PYGO1: variants seen among roughly 807,000 people sequenced by gnomAD.
PYGO1 encodes the protein pygopus homolog 1.
In PYGO1, 6 loss-of-function variants were observed where a neutral mutation model predicts 29.5. That is an observed-to-expected ratio of 0.20 (90% CI 0.11 to 0.40). The LOEUF is 0.40. PYGO1 is among the 10% of genes least tolerant of loss of function. PYGO1 has a pLI of 1.00. For synonymous variants in PYGO1, 186 were observed against 180.5 expected, an observed-to-expected ratio of 1.03 and a Z score of -0.24; for missense variants, 515 against 514.9, an observed-to-expected ratio of 1.00 and a Z score of 0.00.
At chr15:55,582,066 G>C (rs1184506759) in intron 1 of PYGO1, among the ~76,000 whole-genome samples, 1 of 152,014 alleles carries the variant, frequency 6.6e-6, no homozygotes, top group African/African-American at 2.4e-5. Flanking sequence ...AATTAGCCGG[G>C]CGTGGTGGCA....
chr15:55,584,845 C>T (rs1163764797), intron 1 of PYGO1, among the ~76,000 whole-genome samples: 1 of 152,170 alleles, frequency 6.6e-6, no homozygotes, highest in African/African-American at 2.4e-5. Flanking sequence ...AATATAAGGA[C>T]AGTTTGGAAG....
At position 55,562,007 on chromosome 15, in the gene PYGO1, C is replaced by A. The variant is rs530853743; in HGVS notation, c.50-13012G>T. Among the ~76,000 whole-genome samples the A allele has an allele frequency of 1.5e-4, 23 of 152,162 alleles. No individual in the cohort carries two copies. In the East Asian group the frequency reaches 4.4e-3, roughly 29 times the overall value. Reference sequence around the variant, plus strand: ...CTTAAATTTACAAGAAACAACCAACCAACCCCATTAAAAAGTGGGCAAAGG... The same window carrying A: ...CTTAAATTTACAAGAAACAACCAACAAACCCCATTAAAAAGTGGGCAAAGG... On this transcript the variant is annotated intron_variant, in intron 1 of 2. Coordinates refer to ENST00000563719, the MANE Select transcript of PYGO1 (RefSeq NM_001367806.1).
intron 1 of PYGO1, among the ~76,000 whole-genome samples, chr15:55,560,291 C>G (rs2058927535): frequency 6.6e-6 from 1 of 152,168 alleles, no homozygotes; most frequent in Non-Finnish European, 1.5e-5. Context: ...CCCATCGTCT[C>G]AGCTCAAAAG....
chr15:55,573,968 G>A (rs117974072), intron 1 of PYGO1, among the ~76,000 whole-genome samples: 117 of 152,136 alleles, frequency 7.7e-4, no homozygotes, highest in Non-Finnish European at 1.3e-3. Flanking sequence ...CTGAAATGGC[G>A]GGCAACCAAG....
intron 1 of PYGO1, among the ~76,000 whole-genome samples, chr15:55,569,474 T>C (rs2058971613): frequency 2.6e-5 from 4 of 152,172 alleles, no homozygotes; most frequent in Admixed American, 2.0e-4. Flanking sequence ...TATTTTGGTA[T>C]GTTGTGCCTC....
intron 1 of PYGO1, among the ~76,000 whole-genome samples, chr15:55,576,903 T>C (rs2059005221): frequency 6.6e-6 from 1 of 151,882 alleles, no homozygotes; most frequent in Non-Finnish European, 1.5e-5. Flanking sequence ...AAATAAACCT[T>C]AGAACCCCAA....
rs1189102690 is a variant in PYGO1 at position 55,588,166 on chromosome 15, A to G, written c.-283T>C. The G allele has an allele frequency of 4.1e-6, 2 of 493,618 alleles. No individual in the cohort carries two copies. The highest frequency in any genetic ancestry group is 5.2e-6 in the Non-Finnish European group (2 of 382,878). The allele number at this position is 493,618 out of a possible 1,614,324, so 30.6% of individuals were successfully genotyped here. Reference sequence around the variant, plus strand: ...GGGCGGCCCCCCACCCGGGGCCGGCATGTGCTGAGGGCGAGTGCGCCGCCG... The same window carrying G: ...GGGCGGCCCCCCACCCGGGGCCGGCGTGTGCTGAGGGCGAGTGCGCCGCCG... On this transcript the variant is annotated 5_prime_UTR_variant, in exon 1 of 3. An upstream start codon of the reference 5' UTR is lost. Transcript: ENST00000563719.
At chr15:55,555,582 G>C (rs1328308433) in intron 1 of PYGO1, among the ~76,000 whole-genome samples, 1 of 149,690 alleles carries the variant, frequency 6.7e-6, no homozygotes, top group Non-Finnish European at 1.5e-5. Context: ...TAAATGACGA[G>C]TTAATGGGTG....
rs1198490960 is a variant in PYGO1, at chr15:55,539,292, G to A, written c.*6731C>T. The A allele has an allele frequency of 6.6e-6, 1 of 152,106 alleles. No individual in the cohort carries two copies. Among genetic ancestry groups the A allele is most frequent in the African/African-American group, 2.4e-5 (1 of 41,448 alleles). The allele number at this position is 152,106 out of a possible 1,614,324, so 9.4% of individuals were successfully genotyped here. A position where few individuals can be genotyped will look rare whatever the true frequency, so the allele number is the denominator to read the frequency against. On this transcript the variant is annotated 3_prime_UTR_variant, in exon 3 of 3. Coordinates refer to ENST00000563719, the MANE Select transcript of PYGO1 (RefSeq NM_001367806.1). ...GGAGAATTGGCTTACCATTATTTAA[G>A]TAGTTACTATGAAGTAATTCAGAAT... is the stretch of plus-strand genomic sequence containing the variant.
Position 55,546,281 on chromosome 15 carries a change from A to G in PYGO1, c.1002T>C (p.His334=). 1 of 1,614,210 alleles carries G rather than the reference A, an allele frequency of 6.2e-7. No individual in the cohort carries two copies. The highest frequency in any genetic ancestry group is 2.2e-5 in the East Asian group (1 of 44,886). The change falls in exon 3 of 3, where the codon CAT becomes CAC. Residue 334 remains histidine, a synonymous_variant. Coordinates refer to ENST00000563719, the MANE Select transcript of PYGO1 (RefSeq NM_001367806.1). ...AAGGATACACTGGGTCAGAAGACGA[A>G]TGGCCATGACGGTTTGGGTGAAGAG... is the stretch of plus-strand genomic sequence containing the variant. ...KSSLHPNRHG[H]SSSDPVYPCG...
At chr15:55,576,231 C>T (rs1421373660) in intron 1 of PYGO1, among the ~76,000 whole-genome samples, 2 of 150,052 alleles carry the variant, frequency 1.3e-5, no homozygotes, top group Non-Finnish European at 3.0e-5. Flanking sequence ...CCGAGGCGGG[C>T]GGATCACGAG....
rs556620274 is a variant in PYGO1, at chr15:55,558,871, C to T, written c.50-9876G>A. Among the ~76,000 whole-genome samples, 21 of 151,902 alleles carry T rather than the reference C, an allele frequency of 1.4e-4. 1 individual carries two copies. The South Asian group carries it at 4.2e-3, about 30-fold the overall frequency. ...AAGACTTAAATATTAGACCTAAAAC[C>T]ATAAAATCCCTAGAAGAAAACCTAG... On this transcript the variant is annotated intron_variant, in intron 1 of 2. Transcript: ENST00000563719.
intron 1 of PYGO1, among the ~76,000 whole-genome samples, chr15:55,576,998 A>G (rs2059005626): frequency 9.7e-6 from 1 of 103,128 alleles, no homozygotes; most frequent in Non-Finnish European, 2.5e-5. Context: ...ATAAGATAGC[A>G]ACAAAGATAA....
At chr15:55,566,381 A>C (rs1412696343) in intron 1 of PYGO1, among the ~76,000 whole-genome samples, 1 of 56,412 alleles carries the variant, frequency 1.8e-5, no homozygotes, top group African/African-American at 6.4e-5. Context: ...TTGCATTCAT[A>C]TTGCTACAAA....
At chr15:55,586,909 A>C (rs1235026862) in intron 1 of PYGO1, among the ~76,000 whole-genome samples, 1 of 152,094 alleles carries the variant, frequency 6.6e-6, no homozygotes, top group Non-Finnish European at 1.5e-5. Flanking sequence ...ACTGTTTATC[A>C]TTTGTTTATC....
intron 1 of PYGO1, among the ~76,000 whole-genome samples, chr15:55,571,656 G>A (rs2058980664): frequency 6.6e-6 from 1 of 152,034 alleles, no homozygotes. Flanking sequence ...GTGATTGTGG[G>A]GCCTCTCCAG....
chr15:55,563,704 G>A (rs1288182243), intron 1 of PYGO1, among the ~76,000 whole-genome samples: 1 of 152,128 alleles, frequency 6.6e-6, no homozygotes, highest in Non-Finnish European at 1.5e-5. Flanking sequence ...TATCACCCGA[G>A]CAGTGTACAC....
At chr15:55,558,940 T>C (rs1422541171) in intron 1 of PYGO1, among the ~76,000 whole-genome samples, 2 of 151,874 alleles carry the variant, frequency 1.3e-5, no homozygotes, top group Admixed American at 6.6e-5. Context: ...ACTTCATGTC[T>C]AAAACACCAA....
intron 1 of PYGO1, among the ~76,000 whole-genome samples, chr15:55,584,710 T>C (rs1336313225): frequency 3.3e-5 from 5 of 152,242 alleles, no homozygotes; most frequent in African/African-American, 9.6e-5. Context: ...CAAGACATAG[T>C]ACCTGTCCTC....
Sources: gnomAD v4.1 joint callset for allele counts (sites outside exome capture counted in the v4.1 genomes callset) on GRCh38, gnomAD v4.1.1 for gene constraint, MANE v1.5 for transcripts, NCBI Gene and HGNC (gene_info 2026-07-23, HGNC 2026-07-21) for gene names.